Variants in THRB observed in about 807,000 individuals in gnomAD.
THRB encodes thyroid hormone receptor beta.
THRB carries 12 observed loss-of-function variants against 47.8 expected under a neutral mutation model. The ratio of observed to expected loss-of-function variants is 0.25; its 90% CI spans 0.16 to 0.41. The LOEUF is 0.41. Ranked by LOEUF, THRB falls within the 10% of genes least tolerant of loss-of-function variation. The probability of loss-of-function intolerance (pLI) is 1.00; values close to 1 mark genes in which losing one functional copy is unlikely to be tolerated. For synonymous variants in THRB, 218 were observed against 212.2 expected (o/e 1.03, Z -0.24); for missense variants, 348 against 589.2 (o/e 0.59, Z 4.24).
chr3:24,247,858 G>GAT (rs1336710806), intron 3 of THRB, among the ~76,000 whole-genome samples: 1 of 152,028 alleles, frequency 6.6e-6, no homozygotes, highest in African/African-American at 2.4e-5. Flanking sequence ...ACATCTATGG[G>GAT]ATATATATAC....
chr3:24,323,086 T>G (rs542690030), intron 2 of THRB, among the ~76,000 whole-genome samples: 1 of 152,208 alleles, frequency 6.6e-6, no homozygotes, highest in Non-Finnish European at 1.5e-5. Flanking sequence ...TATTGGTGTT[T>G]AGGGTTTCCA....
At chr3:24,227,481 G>GA (rs2047780372) in intron 4 of THRB, among the ~76,000 whole-genome samples, 1 of 152,184 alleles carries the variant, frequency 6.6e-6, no homozygotes, top group Non-Finnish European at 1.5e-5. Flanking sequence ...CTGTTGATGT[G>GA]AAATAAGAAG....
intron 2 of THRB, among the ~76,000 whole-genome samples, chr3:24,335,967 CT>C (rs2062223898): frequency 6.6e-6 from 1 of 152,106 alleles, no homozygotes; most frequent in Non-Finnish European, 1.5e-5. Flanking sequence ...CAGGAGCCTT[CT>C]CATCTTTAAA....
chr3:24,358,938 T>G (rs1020474680), intron 1 of THRB, among the ~76,000 whole-genome samples: 3 of 152,164 alleles, frequency 2.0e-5, no homozygotes, highest in African/African-American at 7.2e-5. Flanking sequence ...CACGACTTCC[T>G]TGATATACAC....
intron 2 of THRB, among the ~76,000 whole-genome samples, chr3:24,323,377 A>G (rs2058610843): frequency 6.6e-6 from 1 of 152,208 alleles, no homozygotes; most frequent in Non-Finnish European, 1.5e-5. Flanking sequence ...AGGAACAACC[A>G]TCATACAATA....
intron 1 of THRB, among the ~76,000 whole-genome samples, chr3:24,408,421 G>T (rs1227732015): frequency 1.3e-5 from 2 of 151,782 alleles, no homozygotes; most frequent in African/African-American, 4.8e-5. Context: ...CTGCTGTTGT[G>T]ATCACACCAA....
intron 1 of THRB, among the ~76,000 whole-genome samples, chr3:24,385,723 G>A (rs1260183283): frequency 6.6e-6 from 1 of 152,078 alleles, no homozygotes; most frequent in Non-Finnish European, 1.5e-5. Flanking sequence ...TGAGACAACT[G>A]GAACTACCTG....
chr3:24,257,362 A>T (rs1290559574), intron 3 of THRB, among the ~76,000 whole-genome samples: 1 of 152,188 alleles, frequency 6.6e-6, no homozygotes, highest in African/African-American at 2.4e-5. Flanking sequence ...AAGTAGCAAA[A>T]CAAAACAAAA....
chr3:24,351,354 C>A (rs938912374), intron 1 of THRB, among the ~76,000 whole-genome samples: 1 of 152,096 alleles, frequency 6.6e-6, no homozygotes, highest in East Asian at 1.9e-4. Flanking sequence ...ATATTCTGTT[C>A]TTGCCTTCAC....
At chr3:24,340,482 T>A (rs949166393) in intron 1 of THRB, among the ~76,000 whole-genome samples, 1 of 146,904 alleles carries the variant, frequency 6.8e-6, no homozygotes, top group Non-Finnish European at 1.5e-5. Context: ...ATTGTATTAG[T>A]GGCCTTTTTT....
intron 3 of THRB, among the ~76,000 whole-genome samples, chr3:24,243,340 A>G (rs1020182123): frequency 5.3e-5 from 8 of 151,940 alleles, no homozygotes; most frequent in African/African-American, 1.7e-4. Flanking sequence ...CCTCTGCTCA[A>G]AATCCCACTG....
chr3:24,258,893 A>C (rs2051614904), intron 3 of THRB, among the ~76,000 whole-genome samples: 1 of 152,188 alleles, frequency 6.6e-6, no homozygotes, highest in Non-Finnish European at 1.5e-5. Flanking sequence ...TTAACCTCTC[A>C]GAAGTACACT....
chr3:24,198,828 A>G (rs1334348190), intron 4 of THRB, among the ~76,000 whole-genome samples: 1 of 152,078 alleles, frequency 6.6e-6, no homozygotes, highest in East Asian at 1.9e-4. Flanking sequence ...AAATGGAGTG[A>G]AATATTCTGG....
chr3:24,265,617 A>C (rs191156020), intron 3 of THRB, among the ~76,000 whole-genome samples: 1 of 152,334 alleles, frequency 6.6e-6, no homozygotes, highest in African/African-American at 2.4e-5. Flanking sequence ...CTTATCTTAG[A>C]AATGTCTTCA....
In THRB at chr3:24,218,619, A is replaced by G. The variant is rs1327670888; in HGVS notation, c.22+10319T>C. The stretch of plus-strand genomic sequence containing the variant: ...CAGTAAATTAAGTTAGTGAGTATCT[A>G]CTATGTGCCAGGTACTCCCTCATAA... On this transcript the variant is annotated intron_variant, in intron 4 of 10. Coordinates refer to ENST00000646209, the MANE Select transcript of THRB (RefSeq NM_001354712.2). Among the ~76,000 whole-genome samples the G allele has an allele frequency of 2.6e-5, 4 of 152,026 alleles. No individual in the cohort carries two copies. In the South Asian group the frequency reaches 6.2e-4, roughly 24 times the overall value.
intron 1 of THRB, chr3:24,348,891 G>A (rs1024190168): frequency 6.6e-6 from 1 of 151,390 alleles, no homozygotes; most frequent in African/African-American, 2.4e-5. Context: ...TTGCAATGAG[G>A]AAAAAAAAGA....
chr3:24,185,484 T>C (rs1431936006), intron 5 of THRB, among the ~76,000 whole-genome samples: 1 of 152,216 alleles, frequency 6.6e-6, no homozygotes, highest in East Asian at 1.9e-4. Flanking sequence ...GCTTTTATAA[T>C]GAGAGGAAGT....
intron 1 of THRB, among the ~76,000 whole-genome samples, chr3:24,432,333 T>G (rs1167692832): frequency 6.6e-6 from 1 of 152,126 alleles, no homozygotes; most frequent in Non-Finnish European, 1.5e-5. Flanking sequence ...TCAAATGGGT[T>G]ATGAGTCAAC....
At chr3:24,266,742 G>T (rs1182468457) in intron 3 of THRB, among the ~76,000 whole-genome samples, 1 of 152,066 alleles carries the variant, frequency 6.6e-6, no homozygotes, top group East Asian at 1.9e-4. Flanking sequence ...GAAGATGAAG[G>T]ATTTTGAGAT....
Sources: gnomAD v4.1 joint callset for allele counts (sites outside exome capture counted in the v4.1 genomes callset) on GRCh38, gnomAD v4.1.1 for gene constraint, MANE v1.5 for transcripts, NCBI Gene and HGNC (gene_info 2026-07-23, HGNC 2026-07-21) for gene names.